CFAP46: variants seen among roughly 807,000 people sequenced by gnomAD.
CFAP46 encodes cilia and flagella associated protein 46.
CFAP46 carries 245 observed loss-of-function variants against 325.7 expected under a neutral mutation model. The observed-to-expected ratio is 0.75, with a 90% CI of 0.68 to 0.84. The LOEUF is 0.84. CFAP46 is among the 40% of genes least tolerant of loss of function. The probability of loss-of-function intolerance (pLI) is 0.00; values close to 1 mark genes in which losing one functional copy is unlikely to be tolerated. For missense variants in CFAP46, 3,346 were observed against 3,543.0 expected, an observed-to-expected ratio of 0.94 and a Z score of 1.41; for synonymous variants, 1,523 against 1,495.9, an observed-to-expected ratio of 1.02 and a Z score of -0.42.
In CFAP46 at chr10:132,810,456, G is replaced by C. The variant is rs1345722436; in HGVS notation, c.7617C>G (p.Asn2539Lys). 1.9e-6 allele frequency: 3 copies of C among 1,613,612 alleles called. No individual in the cohort carries two copies. The highest frequency in any genetic ancestry group is 3.3e-5 in the Admixed American group (2 of 60,026). ...SVGRWEANWR[N>K]SASPSEDEWR... ...ACTCATCTTCTGAAGGAGACGCACT[G>C]TTTCTCCAATTGGCTTCCCAACGGC... Residue 2539 changes from asparagine (N) to lysine (K), a missense_variant, in exon 57 of 58, where the codon AAC (asparagine) becomes AAG (lysine). Transcript: ENST00000368586.
intron 25 of CFAP46, among the ~76,000 whole-genome samples, chr10:132,887,555 CTT>C (rs1849169972): frequency 1.2e-5 from 1 of 84,276 alleles, no homozygotes; most frequent in African/African-American, 4.6e-5. Context: ...TCTCCTCTCC[CTT>C]CTTCTCTCTC....
chr10:132,826,793 G>A (rs1300394236), intron 50 of CFAP46, among the ~76,000 whole-genome samples: 9 of 152,274 alleles, frequency 5.9e-5, no homozygotes, highest in African/African-American at 2.2e-4. Flanking sequence ...TGTGCCCTCA[G>A]ATGCCATTTG....
rs1308901926 is a variant in CFAP46 at position 132,880,985 on chromosome 10, G to A, written c.3675C>T (p.Gly1225=). ...GAAAGTGTCTGTGATGGAGCCACTG[G>A]CCGAACTCCATGAGGTACTCCACCT... ...WQKVEYLMEF[G]QWLHHRHFPL... Residue 1225 remains glycine (G), a synonymous_variant, in exon 28 of 58, where the codon GGC becomes GGT. Transcript: ENST00000368586. 1.3e-6 allele frequency: 2 copies of A among 1,550,412 alleles called. No individual in the cohort carries two copies. The highest frequency in any genetic ancestry group is 1.7e-6 in the Non-Finnish European group (2 of 1,146,970).
At chr10:132,809,196 C>T (rs1023794092) in intron 57 of CFAP46, among the ~76,000 whole-genome samples, 2 of 152,208 alleles carry the variant, frequency 1.3e-5, no homozygotes, top group Non-Finnish European at 2.9e-5. Context: ...GGGGGGCGCC[C>T]GTCTAGAGTG....
chr10:132,887,997 TTCTC>T (rs1243388397), intron 25 of CFAP46, among the ~76,000 whole-genome samples: 28 of 74,378 alleles, frequency 3.8e-4, no homozygotes, highest in African/African-American at 2.5e-3. Flanking sequence ...CTCTCCCCTC[TTCTC>T]TCTCTCCTCT....
chr10:132,923,057 G>T (rs1039307599), intron 11 of CFAP46, among the ~76,000 whole-genome samples: 2 of 152,236 alleles, frequency 1.3e-5, no homozygotes, highest in African/African-American at 2.4e-5. Context: ...GGCAGGGGTC[G>T]GGGTGCAGGG....
intron 50 of CFAP46, among the ~76,000 whole-genome samples, chr10:132,824,320 A>ATGTGTGCTGTGTGTGTGC (rs1188530069): frequency 5.6e-4 from 50 of 89,470 alleles, no homozygotes; most frequent in African/African-American, 2.2e-3. Flanking sequence ...GTGTGCACTG[A>ATGTGTGCTGTGTGTGTGC]TGTGTGCTGT....
rs985017905 is a variant in CFAP46, at chr10:132,817,822, C to T, written c.7118-2908G>A. ...TGATGTGGCACTGCTTCCTGTCTGA[C>T]GGTTCTGGGAGTCGGAGGTCCGAAT... is the stretch of plus-strand genomic sequence containing the variant. On this transcript the variant is annotated intron_variant, in intron 50 of 57. Transcript: ENST00000368586. The surrounding 1 kb of genome is among the most constrained non-coding windows in gnomAD (Gnocchi z 4.4). Among the ~76,000 whole-genome samples the T allele has an allele frequency of 7.9e-5, 12 of 152,342 alleles. No individual in the cohort carries two copies. The highest frequency in any genetic ancestry group is 3.4e-3 in the Middle Eastern group (1 of 294).
chr10:132,916,754 C>T (rs1221719356), intron 16 of CFAP46, 72 bp from the exon 17 acceptor site: 12 of 1,400,242 alleles, frequency 8.6e-6, no homozygotes, highest in South Asian at 1.6e-5. Flanking sequence ...GAAACACACA[C>T]GCCCTTCCCT....
chr10:132,817,918 T>C lies in CFAP46; in HGVS notation c.7118-3004A>G, dbSNP rs1030296233. The stretch of plus-strand genomic sequence containing the variant: ...GAGGCTCCCGGGGAGAATCCTCTCC[T>C]GGCTCCTGGCCACGCCCTCCATCCT... On this transcript the variant is annotated intron_variant, in intron 50 of 57. Transcript: ENST00000368586. This position sits in a 1 kb window ranked among gnomAD's most constrained non-coding sequence, Gnocchi z 4.4. 6.6e-6 allele frequency among the ~76,000 whole-genome samples: 1 copy of C among 152,200 alleles called. No individual in the cohort carries two copies. Among genetic ancestry groups the C allele is most frequent in the Non-Finnish European group, 1.5e-5 (1 of 68,032 alleles).
rs1438979449 is a variant in CFAP46 at position 132,885,823 on chromosome 10, G to T, written c.3441C>A (p.Arg1147=). 14 of 1,548,526 alleles carry T rather than the reference G, an allele frequency of 9.0e-6. No homozygotes were observed. Among genetic ancestry groups the T allele is most frequent in the Non-Finnish European group, 1.1e-5 (13 of 1,146,520 alleles). ...AVQVLPRTAH[R]LLIFKHMVIV... ...CAGGCGGTGGGGGGAGCACTCACAG[G>T]CGGTGGGCCGTCCTTGGCAGCACCT... is the stretch of plus-strand genomic sequence containing the variant. The change falls in exon 26 of 58, where the codon CGC becomes CGA. Residue 1147 remains arginine (R), a splice_region_variant and synonymous_variant. Coordinates refer to ENST00000368586, the MANE Select transcript of CFAP46 (RefSeq NM_001200049.3).
At chr10:132,881,406 C>T (rs1340945551) in intron 27 of CFAP46, among the ~76,000 whole-genome samples, 1 of 152,182 alleles carries the variant, frequency 6.6e-6, no homozygotes, top group African/African-American at 2.4e-5. Flanking sequence ...CTCTGGGTGG[C>T]TCTGTGGGCA....
chr10:132,924,387 G>A (rs1849774940), intron 11 of CFAP46, among the ~76,000 whole-genome samples: 1 of 114,578 alleles, frequency 8.7e-6, no homozygotes, highest in Non-Finnish European at 1.8e-5. Flanking sequence ...AAGTCCCACG[G>A]GGCCACAACC....
rs576531804 is a variant in CFAP46, at chr10:132,835,250, G to A, written c.6744+54C>T. 3.8e-5 allele frequency: 60 copies of A among 1,595,390 alleles called. No homozygotes were observed. The South Asian group carries it at 6.7e-4, about 18-fold the overall frequency. Reference sequence around the variant, plus strand: ...CACCTCGCCAGGGTCCTGGCTCCCAGGGGTGGGGAGCAGAGGGTCCCGGCT... The same window carrying A: ...CACCTCGCCAGGGTCCTGGCTCCCAAGGGTGGGGAGCAGAGGGTCCCGGCT... On this transcript the variant is annotated intron_variant, in intron 47 of 57. Coordinates refer to ENST00000368586, the MANE Select transcript of CFAP46 (RefSeq NM_001200049.3).
At chr10:132,825,348 C>G (rs924542783) in intron 50 of CFAP46, among the ~76,000 whole-genome samples, 1 of 152,128 alleles carries the variant, frequency 6.6e-6, no homozygotes, top group South Asian at 2.1e-4. Flanking sequence ...GTGTCCACCG[C>G]GCTGTGGGCT....
In CFAP46 at chr10:132,828,563, T is replaced by C. The variant is rs1211585544; in HGVS notation, c.7117+4795A>G. ...CTTTCTTATTATTCAGTTTTGAGAG[T>C]TCTTTATATAGTCTAAATTTGTTAC... On this transcript the variant is annotated intron_variant, in intron 50 of 57. Transcript: ENST00000368586. The surrounding 1 kb of genome is among the most constrained non-coding windows in gnomAD (Gnocchi z 4.9). Among the ~76,000 whole-genome samples the C allele has an allele frequency of 6.6e-6, 1 of 152,184 alleles. No homozygotes were observed. The highest frequency in any genetic ancestry group is 2.4e-5 in the African/African-American group (1 of 41,436).
chr10:132,888,189 T>C (rs1325804244), intron 25 of CFAP46, among the ~76,000 whole-genome samples: 1 of 151,754 alleles, frequency 6.6e-6, no homozygotes, highest in Non-Finnish European at 1.5e-5. Flanking sequence ...AGAACCATAG[T>C]GGGCACCAAT....
chr10:132,824,894 C>A lies in CFAP46; in HGVS notation c.7117+8464G>T, dbSNP rs371552271. On this transcript the variant is annotated intron_variant, in intron 50 of 57. Coordinates refer to ENST00000368586, the MANE Select transcript of CFAP46 (RefSeq NM_001200049.3). ...TGTGCTGTGTGTGCAGTGATGTGTGCTGTGTGAGTGCTAATGTGTGCTGTG... is the reference window on the plus strand; with the variant it reads ...TGTGCTGTGTGTGCAGTGATGTGTGATGTGTGAGTGCTAATGTGTGCTGTG... Among the ~76,000 whole-genome samples, 222 of 126,962 alleles carry A rather than the reference C, an allele frequency of 1.7e-3. 1 individual carries two copies. The highest frequency in any genetic ancestry group is 1.6e-3 in the Non-Finnish European group (101 of 62,580). The allele number at this position is 126,962 out of a possible 152,430, so 83.3% of individuals were successfully genotyped here.
At position 132,880,949 on chromosome 10, in the gene CFAP46, G is replaced by A. The variant is rs764937136; in HGVS notation, c.3711C>T (p.Asp1237=). The change falls in exon 28 of 58, where the codon GAC becomes GAT. Residue 1237 remains aspartate (D), a synonymous_variant. Transcript: ENST00000368586. ...CAGCCCAGCGGAGGTGGAAGACCACGTCCTCGAGAGGAAAGTGTCTGTGAT... is the reference window on the plus strand; with the variant it reads ...CAGCCCAGCGGAGGTGGAAGACCACATCCTCGAGAGGAAAGTGTCTGTGAT... ...WLHHRHFPLE[D]VVFHLRWAVE... is the part of the protein sequence containing the mutation. 5.3e-5 allele frequency: 82 copies of A among 1,550,356 alleles called. No individual in the cohort carries two copies. The highest frequency in any genetic ancestry group is 2.9e-4 in the East Asian group (12 of 40,932).
Sources: allele counts gnomAD v4.1 joint callset (sites outside exome capture counted in the v4.1 genomes callset), GRCh38; gene constraint gnomAD v4.1.1; non-coding constraint Gnocchi (gnomAD v3.1); transcripts MANE v1.5; gene names NCBI Gene and HGNC (gene_info 2026-07-23, HGNC 2026-07-21).